The following ATP6V1E1 variants were observed in gnomAD, a reference collection of about 807,000 sequenced individuals.
ATP6V1E1 encodes the protein ATPase H+ transporting V1 subunit E1.
A neutral mutation model predicts 35.2 loss-of-function variants in ATP6V1E1; 21 were observed. The observed-to-expected ratio is 0.60, with a 90% CI of 0.42 to 0.86. The LOEUF (loss-of-function observed/expected upper bound fraction) is 0.86. ATP6V1E1 is among the 40% of genes least tolerant of loss of function. The pLI is 0.00. For synonymous variants in ATP6V1E1, 83 were observed against 87.8 expected (o/e 0.95, Z 0.30); for missense variants, 183 against 272.6 (o/e 0.67, Z 2.32).
chr22:17,613,113 C>A, intron 3 of ATP6V1E1, 98 bp downstream of exon 3: 2 of 1,033,836 alleles, frequency 1.9e-6, no homozygotes, highest in South Asian at 1.4e-5. Context: ...AGTAGGTGGT[C>A]GAGTTAAGAC....
intron 4 of ATP6V1E1, among the ~76,000 whole-genome samples, chr22:17,610,388 G>T (rs1189712054): frequency 6.6e-6 from 1 of 151,976 alleles, no homozygotes; most frequent in African/African-American, 2.4e-5. Context: ...ATGAAAGGTC[G>T]GTATACCATC....
intron 2 of ATP6V1E1, 198 bp downstream of exon 2, chr22:17,619,263 G>A (rs111394003): frequency 8.6e-6 from 5 of 579,238 alleles, no homozygotes; most frequent in African/African-American, 3.8e-5. Flanking sequence ...TTGCACTTCA[G>A]CCTGGGCGAC....
At chr22:17,620,690 C>T (rs987117267) in intron 1 of ATP6V1E1, among the ~76,000 whole-genome samples, 1 of 152,164 alleles carries the variant, frequency 6.6e-6, no homozygotes, top group African/African-American at 2.4e-5. Context: ...GGGATTAGCA[C>T]CAACACCCAA....
At chr22:17,593,709 G>GT (rs1037741058) in intron 8 of ATP6V1E1, among the ~76,000 whole-genome samples, 57 of 152,296 alleles carry the variant, frequency 3.7e-4, no homozygotes, top group African/African-American at 1.3e-3. Context: ...TATAAGACAA[G>GT]TATCTGCATA....
intron 4 of ATP6V1E1, among the ~76,000 whole-genome samples, chr22:17,608,726 C>T (rs908796168): frequency 6.6e-6 from 1 of 152,244 alleles, no homozygotes; most frequent in African/African-American, 2.4e-5. Flanking sequence ...TGGCACCTGG[C>T]TAGCCCATCT....
chr22:17,594,597 A>G lies in ATP6V1E1; in HGVS notation c.550T>C (p.Tyr184His). The G allele has an allele frequency of 6.3e-7, 1 of 1,585,522 alleles. No individual in the cohort carries two copies. Among genetic ancestry groups the G allele is most frequent in the Middle Eastern group, 1.7e-4 (1 of 6,008 alleles). The change falls in exon 8 of 9, where the codon TAT (tyrosine) becomes CAT (histidine). Residue 184 changes from tyrosine to histidine, a missense_variant. Tyr to His is a moderately conservative substitution (Grantham distance 83). Coordinates refer to ENST00000253413, the MANE Select transcript of ATP6V1E1 (RefSeq NM_001696.4). The part of the protein sequence containing the change: ...PEDIAGGVEI[Y>H]NGDRKIKVSN... ...ACCTTTATTTTACGATCTCCATTAT[A>G]GATCTCAACTCCACCAGCTCTGCAA... is the stretch of plus-strand genomic sequence containing the variant.
intron 4 of ATP6V1E1, 105 bp downstream of exon 4, chr22:17,612,706 TA>T: frequency 1.0e-6 from 1 of 957,382 alleles, no homozygotes; most frequent in Non-Finnish European, 1.5e-6. Flanking sequence ...GTTTTCTCTC[TA>T]AAGATTATTC....
At chr22:17,609,328 T>C (rs145938768) in intron 4 of ATP6V1E1, among the ~76,000 whole-genome samples, 10,609 of 142,902 alleles carry the variant, frequency 0.074, 565 homozygotes, top group Non-Finnish European at 0.11. Context: ...ACCCAGCTAA[T>C]TTTTTTGTAT....
intron 2 of ATP6V1E1, among the ~76,000 whole-genome samples, chr22:17,616,220 G>C (rs2057843641): frequency 6.6e-6 from 1 of 151,728 alleles, no homozygotes; most frequent in South Asian, 2.1e-4. Flanking sequence ...TGGTGGCAGG[G>C]ACCTGTAATC....
intron 2 of ATP6V1E1, among the ~76,000 whole-genome samples, chr22:17,613,568 T>C (rs180717242): frequency 1.6e-3 from 234 of 149,114 alleles, no homozygotes; most frequent in Non-Finnish European, 2.1e-3. Flanking sequence ...TACTAAAGGA[T>C]ATAATTGGGT....
chr22:17,598,316 G>GACACC, intron 6 of ATP6V1E1, 28 bp from the exon 7 acceptor site: 1 of 1,543,388 alleles, frequency 6.5e-7, no homozygotes, highest in South Asian at 1.1e-5. Flanking sequence ...AATGAGAGGT[G>GACACC]TCACTAGGAA....
chr22:17,597,268 G>A (rs2057736820), intron 7 of ATP6V1E1, among the ~76,000 whole-genome samples: 1 of 151,192 alleles, frequency 6.6e-6, no homozygotes, highest in Non-Finnish European at 1.5e-5. Context: ...AGTGTCCAAG[G>A]TACTTTCTTC....
At chr22:17,622,671 A>C in intron 1 of ATP6V1E1, among the ~76,000 whole-genome samples, 1 of 152,198 alleles carries the variant, frequency 6.6e-6, no homozygotes. Flanking sequence ...AAGAAAGAAA[A>C]GAAAACACTA....
Position 17,628,681 on chromosome 22 carries a change from T to A in ATP6V1E1, c.-46A>T. ...GGTGAACAGTAGGCTCGAGTTTAGGTTTGAAAGGTGAGGTGAGAGAAATCG... is the reference window on the plus strand; with the variant it reads ...GGTGAACAGTAGGCTCGAGTTTAGGATTGAAAGGTGAGGTGAGAGAAATCG... On this transcript the variant is annotated 5_prime_UTR_variant, in exon 1 of 9. Transcript: ENST00000253413. The A allele has an allele frequency of 6.2e-7, 1 of 1,613,274 alleles. No individual in the cohort carries two copies. The highest frequency in any genetic ancestry group is 8.5e-7 in the Non-Finnish European group (1 of 1,179,410).
chr22:17,599,013 C>G (rs377548348), intron 6 of ATP6V1E1, among the ~76,000 whole-genome samples: 1 of 152,068 alleles, frequency 6.6e-6, no homozygotes, highest in Non-Finnish European at 1.5e-5. Context: ...CTGACCCACC[C>G]TACAGGGACC....
At chr22:17,595,673 T>G (rs893287016) in intron 7 of ATP6V1E1, among the ~76,000 whole-genome samples, 1 of 151,948 alleles carries the variant, frequency 6.6e-6, no homozygotes, top group African/African-American at 2.4e-5. Context: ...ATACAAAAAT[T>G]AGCTGGGCAT....
chr22:17,613,110 G>T, intron 3 of ATP6V1E1, 101 bp downstream of exon 3: 2 of 991,964 alleles, frequency 2.0e-6, no homozygotes, highest in Non-Finnish European at 1.5e-6. Flanking sequence ...AGTAGTAGGT[G>T]GTCGAGTTAA....
intron 8 of ATP6V1E1, among the ~76,000 whole-genome samples, chr22:17,593,081 C>A (rs536264081): frequency 6.6e-6 from 1 of 152,230 alleles, no homozygotes; most frequent in African/African-American, 2.4e-5. Flanking sequence ...AGCCACCAAG[C>A]CTGGCCAGAG....
intron 2 of ATP6V1E1, among the ~76,000 whole-genome samples, chr22:17,615,329 A>C (rs1020129940): frequency 1.3e-5 from 2 of 151,870 alleles, no homozygotes; most frequent in African/African-American, 4.8e-5. Context: ...TTATACATAA[A>C]TTTTATTATA....
Sources: gnomAD v4.1 joint callset for allele counts (sites outside exome capture counted in the v4.1 genomes callset) on GRCh38, gnomAD v4.1.1 for gene constraint, MANE v1.5 for transcripts, NCBI Gene and HGNC (gene_info 2026-07-23, HGNC 2026-07-21) for gene names.